The following COL3A1 variants were observed in gnomAD, a reference collection of about 807,000 sequenced individuals.
COL3A1 encodes the protein collagen type III alpha 1 chain.
A neutral mutation model predicts 200.9 loss-of-function variants in COL3A1; 46 were observed. The ratio of observed to expected loss-of-function variants is 0.23; its 90% CI spans 0.18 to 0.29. The LOEUF is 0.29. Ranked by LOEUF, COL3A1 falls within the 10% of genes least tolerant of loss-of-function variation. The probability of loss-of-function intolerance (pLI) is 1.00; values close to 1 mark genes in which losing one functional copy is unlikely to be tolerated. For missense variants in COL3A1, 1,367 were observed against 1,917.6 expected (o/e 0.71, Z 5.36); for synonymous variants, 650 against 628.0 (o/e 1.03, Z -0.52).
chr2:189,009,595 T>C (rs1688675001), intron 48 of COL3A1, among the ~76,000 whole-genome samples: 1 of 152,150 alleles, frequency 6.6e-6, no homozygotes. Flanking sequence ...TTATTAAAAT[T>C]TTCAAATTAA....
At chr2:188,976,754 C>T (rs1310790177) in intron 1 of COL3A1, among the ~76,000 whole-genome samples, 1 of 152,144 alleles carries the variant, frequency 6.6e-6, no homozygotes, top group Non-Finnish European at 1.5e-5. Context: ...AATTTGTGAA[C>T]ATTGTATTTA....
At chr2:189,007,692 A>G (rs1688625812) in intron 45 of COL3A1, 85 bp downstream of exon 45, 1 of 1,290,660 alleles carries the variant, frequency 7.7e-7, no homozygotes, top group South Asian at 1.3e-5. Flanking sequence ...ATCTCTAAAA[A>G]TATGTACTAG....
At chr2:188,987,030 G>T (rs1057338384) in intron 4 of COL3A1, 29 bp from the exon 5 acceptor site, 1 of 1,568,292 alleles carries the variant, frequency 6.4e-7, no homozygotes, top group South Asian at 1.1e-5. Context: ...CTGTTAAAAT[G>T]ATCATATCTA....
rs1187306695 is a variant in COL3A1, at chr2:189,006,918, T to G, written c.3202-19T>G. 1 of 1,613,062 alleles carries G rather than the reference T, an allele frequency of 6.2e-7. No homozygotes were observed. Among genetic ancestry groups the G allele is most frequent in the African/African-American group, 1.3e-5 (1 of 74,890 alleles). ...ACTAGTTCCGTGTATGTCTTCTCAATTGAATGTTTTCATCTTAGGGCCCTG... is the reference window on the plus strand; with the variant it reads ...ACTAGTTCCGTGTATGTCTTCTCAAGTGAATGTTTTCATCTTAGGGCCCTG... On this transcript the variant is annotated intron_variant, in intron 43 of 50. Transcript: ENST00000304636.
At chr2:188,984,003 A>AT (rs548067625) in intron 1 of COL3A1, among the ~76,000 whole-genome samples, 30 of 151,858 alleles carry the variant, frequency 2.0e-4, no homozygotes, top group East Asian at 1.5e-3. Context: ...GGTTGAAGCA[A>AT]TTTTTTTTAC....
At chr2:188,986,185 A>G (rs1176516403) in intron 4 of COL3A1, among the ~76,000 whole-genome samples, 2 of 152,040 alleles carry the variant, frequency 1.3e-5, no homozygotes, top group East Asian at 3.9e-4. Flanking sequence ...AAGTTGAAGA[A>G]CTGTTAGTAT....
rs774591764 is a variant in COL3A1, at chr2:188,984,809, T to C, written c.129T>C (p.Asp43=). The C allele has an allele frequency of 3.1e-6, 5 of 1,613,228 alleles. No individual in the cohort carries two copies. Among genetic ancestry groups the C allele is most frequent in the Non-Finnish European group, 4.2e-6 (5 of 1,179,386 alleles). ...SHLGQSYADR[D]VWKPEPCQIC... is the part of the protein sequence containing the mutation. Reference sequence around the variant, plus strand: ...TTGGTCAGTCCTATGCGGATAGAGATGTCTGGAAGCCAGAACCATGCCAAA... The same window carrying C: ...TTGGTCAGTCCTATGCGGATAGAGACGTCTGGAAGCCAGAACCATGCCAAA... The change falls in exon 2 of 51, where the codon GAT becomes GAC. Residue 43 remains aspartate (D), a synonymous_variant. Transcript: ENST00000304636.
At chr2:188,998,588 C>T (rs1688381814) in intron 28 of COL3A1, 86 bp from the exon 29 acceptor site, 1 of 1,355,466 alleles carries the variant, frequency 7.4e-7, no homozygotes, top group East Asian at 2.4e-5. Flanking sequence ...CTTATATTTA[C>T]ATATTTGCTT....
At chr2:188,999,742 C>T in intron 31 of COL3A1, 100 bp from the exon 32 acceptor site, 1 of 1,377,232 alleles carries the variant, frequency 7.3e-7, no homozygotes, top group South Asian at 1.2e-5. Context: ...AATTAGAACA[C>T]CCAATATATA....
chr2:189,009,251 C>A, intron 48 of COL3A1, 30 bp downstream of exon 48: 3 of 1,612,702 alleles, frequency 1.9e-6, no homozygotes, highest in Non-Finnish European at 2.5e-6. Flanking sequence ...ATCTTCATGG[C>A]AATAGGATTA....
At chr2:188,986,959 A>G (rs1422298769) in intron 4 of COL3A1, 100 bp from the exon 5 acceptor site, 4 of 1,002,344 alleles carry the variant, frequency 4.0e-6, no homozygotes, top group Admixed American at 3.6e-5. Flanking sequence ...ACAAAAACCT[A>G]TCAGTAGACA....
chr2:188,976,348 T>C (rs778196200), intron 1 of COL3A1, among the ~76,000 whole-genome samples: 1 of 152,118 alleles, frequency 6.6e-6, no homozygotes, highest in Non-Finnish European at 1.5e-5. Context: ...ATTTCCCTCT[T>C]TCTCTTTAGA....
At chr2:189,006,123 T>C (rs542016856) in intron 41 of COL3A1, 83 bp from the exon 42 acceptor site, 1 of 1,424,252 alleles carries the variant, frequency 7.0e-7, no homozygotes, top group South Asian at 1.2e-5. Context: ...TTGAGAATTA[T>C]ATTGCCCTGC....
At chr2:189,005,260 T>A in intron 40 of COL3A1, 90 bp from the exon 41 acceptor site, 1 of 1,225,302 alleles carries the variant, frequency 8.2e-7, no homozygotes, top group Non-Finnish European at 1.2e-6. Flanking sequence ...ATAAAATAAG[T>A]TTTTTACCTG....
chr2:189,011,481 G>C (rs1688722996), intron 50 of COL3A1, 147 bp from the exon 51 acceptor site: 2 of 839,544 alleles, frequency 2.4e-6, no homozygotes, highest in Admixed American at 4.2e-5. Flanking sequence ...TTACAGCTTT[G>C]AAGTAGAGCA....
intron 11 of COL3A1, 110 bp from the exon 12 acceptor site, chr2:188,991,377 G>T (rs552386429): frequency 7.1e-6 from 5 of 708,302 alleles, no homozygotes; most frequent in Non-Finnish European, 1.1e-5. Context: ...TTGTTAAAAT[G>T]TATATCTTTT....
chr2:188,985,949 T>A (rs1452376334), intron 4 of COL3A1, among the ~76,000 whole-genome samples, 171 bp downstream of exon 4: 1 of 152,102 alleles, frequency 6.6e-6, no homozygotes, highest in African/African-American at 2.4e-5. Context: ...CTATTCTAAG[T>A]ACTTTATAAG....
chr2:188,982,250 A>G (rs925145082), intron 1 of COL3A1, among the ~76,000 whole-genome samples: 2 of 151,770 alleles, frequency 1.3e-5, no homozygotes, highest in African/African-American at 4.8e-5. Flanking sequence ...AAATTTAGAA[A>G]CAATAAGCTA....
chr2:188,991,164 AATTTTACCT>A (rs1261854146), intron 11 of COL3A1, 107 bp downstream of exon 11: 1 of 1,180,238 alleles, frequency 8.5e-7, no homozygotes, highest in African/African-American at 1.5e-5. Flanking sequence ...AATTTACCTG[AATTTTACCT>A]ATTAGGTGTG....
Sources: allele counts gnomAD v4.1 joint callset (sites outside exome capture counted in the v4.1 genomes callset), GRCh38; gene constraint gnomAD v4.1.1; transcripts MANE v1.5; gene names NCBI Gene and HGNC (gene_info 2026-07-23, HGNC 2026-07-21).